Variants in OPA1 observed in about 807,000 individuals in gnomAD.
OPA1 encodes dynamin-like GTPase OPA1, mitochondrial.
A neutral mutation model predicts 152.9 loss-of-function variants in OPA1; 59 were observed. The observed-to-expected ratio is 0.39, with a 90% CI of 0.31 to 0.48. The LOEUF (loss-of-function observed/expected upper bound fraction) is 0.48. OPA1 is among the 20% of genes least tolerant of loss of function. The pLI is 0.96. For missense variants in OPA1, 1,008 were observed against 1,216.8 expected (o/e 0.83, Z 2.55); for synonymous variants, 400 against 389.9 (o/e 1.03, Z -0.31).
intron 1 of OPA1, among the ~76,000 whole-genome samples, chr3:193,610,946 T>C (rs971179936): frequency 1.3e-5 from 2 of 152,186 alleles, no homozygotes; most frequent in African/African-American, 4.8e-5. Flanking sequence ...CCCCTTTCCT[T>C]GGCTAGGAAA....
In OPA1 at chr3:193,697,084, G is replaced by A. The variant is rs1342772311; in HGVS notation, c.*2484G>A. The A allele has an allele frequency of 1.3e-5, 2 of 152,324 alleles. No homozygotes were observed. Among genetic ancestry groups the A allele is most frequent in the East Asian group, 3.9e-4 (2 of 5,190 alleles). 9.4% of individuals were successfully genotyped at this position (152,324 alleles called of 1,614,324 possible). A position where few individuals can be genotyped will look rare whatever the true frequency, so the allele number is the denominator to read the frequency against. ...ATAAGTAGGGAACATGGCAGAGAGT[G>A]GTGCTTCCCAGCCTCACAATGTGGG... On this transcript the variant is annotated 3_prime_UTR_variant, in exon 31 of 31. Transcript: ENST00000361510.
chr3:193,665,185 G>A lies in OPA1; in HGVS notation c.2778+189G>A, dbSNP rs541800863. On this transcript the variant is annotated intron_variant, in intron 27 of 30. Transcript: ENST00000361510. ...ATATTTGCCACTTTGTTCGTGATACGTGCATATTATCCCCAATGCTTATAA... is the reference window on the plus strand; with the variant it reads ...ATATTTGCCACTTTGTTCGTGATACATGCATATTATCCCCAATGCTTATAA... Among the ~76,000 whole-genome samples, 11 of 151,824 alleles carry A rather than the reference G, an allele frequency of 7.2e-5. No individual in the cohort carries two copies. In the South Asian group the frequency reaches 1.7e-3, roughly 23 times the overall value.
intron 1 of OPA1, among the ~76,000 whole-genome samples, chr3:193,596,364 A>C (rs5029644): frequency 4.3e-5 from 3 of 69,720 alleles, no homozygotes; most frequent in African/African-American, 1.6e-4. Context: ...TTCTTTTCTT[A>C]ATTTTCTTTT....
chr3:193,617,149 C>A (rs376697084), intron 3 of OPA1, 29 bp from the exon 4 acceptor site: 61 of 1,326,970 alleles, frequency 4.6e-5, no homozygotes, highest in Admixed American at 3.5e-4. Flanking sequence ...TTCTTAGTTT[C>A]ATACTCTATA....
chr3:193,611,130 A>G (rs1386492284), intron 1 of OPA1, among the ~76,000 whole-genome samples: 1 of 152,150 alleles, frequency 6.6e-6, no homozygotes, highest in Non-Finnish European at 1.5e-5. Context: ...GCGTCGCTCA[A>G]GCTGGGAGCT....
intron 29 of OPA1, chr3:193,669,071 TAATA>T (rs1420746725): frequency 1.1e-5 from 2 of 181,458 alleles, no homozygotes; most frequent in Non-Finnish European, 2.2e-5. Context: ...CAGATATCGT[TAATA>T]AATTAGAAAG....
rs1560079327 is a variant in OPA1, at chr3:193,688,444, C to CTTTTTT, written c.2984-3615_2984-3614insTTTTTT. ...TTCCCTGATTTTTACTGAAATGGGTCTTTTCTTTTTTTTTTTTTTTTTTTT... is the reference window on the plus strand; with the variant it reads ...TTCCCTGATTTTTACTGAAATGGGTCTTTTTTTTTTCTTTTTTTTTTTTTTTTTTTT... On this transcript the variant is annotated intron_variant, in intron 29 of 30. Transcript: ENST00000361510. 3.6e-4 allele frequency among the ~76,000 whole-genome samples: 14 copies of CTTTTTT among 38,520 alleles called. 5 individuals are homozygous for CTTTTTT. The highest frequency in any genetic ancestry group is 1.8e-4 in the Non-Finnish European group (3 of 16,846). The allele number at this position is 38,520 out of a possible 152,430, so 25.3% of individuals were successfully genotyped here. A position where few individuals can be genotyped will look rare whatever the true frequency, so the allele number is the denominator to read the frequency against.
Position 193,658,857 on chromosome 3 carries a change from GT to G in OPA1, c.2332-28del, listed in dbSNP as rs770505320. On this transcript the variant is annotated intron_variant, in intron 23 of 30. Transcript: ENST00000361510. ...ACTAAAATGATGAGATGTAAAACAA[GT>G]TGGCTTTTTCTCTTCTTGTTATTTT... 8 of 1,484,744 alleles carry G rather than the reference GT, an allele frequency of 5.4e-6. No homozygotes were observed. In the African/African-American group the frequency reaches 1.1e-4, roughly 20 times the overall value. The allele number at this position is 1,484,744 out of a possible 1,614,324, so 92.0% of individuals were successfully genotyped here.
intron 1 of OPA1, among the ~76,000 whole-genome samples, chr3:193,610,297 T>A (rs1577141601): frequency 2.0e-5 from 3 of 152,164 alleles, no homozygotes; most frequent in Non-Finnish European, 4.4e-5. Context: ...TTGCTGGAGG[T>A]CCACTCCAGA....
At chr3:193,611,062 A>G (rs1015230871) in intron 1 of OPA1, among the ~76,000 whole-genome samples, 12 of 152,216 alleles carry the variant, frequency 7.9e-5, no homozygotes, top group African/African-American at 2.4e-4. Context: ...CTGTCTGACA[A>G]TCCCCAGTGA....
At chr3:193,613,998 C>T (rs778592554) in intron 1 of OPA1, 2 of 518,512 alleles carry the variant, frequency 3.9e-6, no homozygotes, top group East Asian at 5.4e-5. Flanking sequence ...ACTATGTATG[C>T]AACTATGAGT....
In OPA1 at chr3:193,662,872, T is replaced by C. The variant is rs1715624785; in HGVS notation, c.2571T>C (p.Asn857=). The change falls in exon 26 of 31, where the codon AAT becomes AAC. Residue 857 remains asparagine (N), a synonymous_variant. Transcript: ENST00000361510. ...AATTGGAGAAGATGTTGAAATGTAA[T>C]GAGGAGCACCCAGCTTATCTTGCAA... is the stretch of plus-strand genomic sequence containing the variant. ...KNELEKMLKC[N]EEHPAYLASD... The C allele has an allele frequency of 6.2e-7, 1 of 1,613,394 alleles. No individual in the cohort carries two copies. Among genetic ancestry groups the C allele is most frequent in the Non-Finnish European group, 8.5e-7 (1 of 1,179,442 alleles).
intron 29 of OPA1, among the ~76,000 whole-genome samples, chr3:193,674,921 T>G (rs769146643): frequency 1.3e-5 from 2 of 152,174 alleles, no homozygotes; most frequent in African/African-American, 4.8e-5. Flanking sequence ...CCATGTGTAT[T>G]TTGACAAAGC....
intron 26 of OPA1, among the ~76,000 whole-genome samples, chr3:193,663,786 T>A (rs1423049433): frequency 6.6e-6 from 1 of 151,926 alleles, no homozygotes. Context: ...AGTAAAAAAA[T>A]AAAAATAAAA....
intron 1 of OPA1, among the ~76,000 whole-genome samples, chr3:193,601,123 G>T (rs2108795891): frequency 6.6e-6 from 1 of 152,148 alleles, no homozygotes; most frequent in African/African-American, 2.4e-5. Context: ...CTGAAACCCT[G>T]GGAGGTCTGA....
At chr3:193,680,162 T>C (rs1395300878) in intron 29 of OPA1, among the ~76,000 whole-genome samples, 1 of 152,200 alleles carries the variant, frequency 6.6e-6, no homozygotes, top group Non-Finnish European at 1.5e-5. Flanking sequence ...AATTTCTTTT[T>C]TTATGAATTT....
intron 29 of OPA1, among the ~76,000 whole-genome samples, chr3:193,669,659 A>T (rs1717485099): frequency 6.6e-6 from 1 of 152,192 alleles, no homozygotes; most frequent in South Asian, 2.1e-4. Flanking sequence ...TTTCTTTTAT[A>T]TCCCTCGTGA....
chr3:193,679,693 CT>C (rs1719816700), intron 29 of OPA1, among the ~76,000 whole-genome samples: 1 of 151,994 alleles, frequency 6.6e-6, no homozygotes, highest in African/African-American at 2.4e-5. Context: ...AATTTGGCTT[CT>C]TTTTTATGTG....
At chr3:193,634,371 T>G (rs142974603) in intron 8 of OPA1, among the ~76,000 whole-genome samples, 13 of 152,264 alleles carry the variant, frequency 8.5e-5, no homozygotes, top group Non-Finnish European at 1.8e-4. Context: ...GTTTTGTTTT[T>G]TTGTCAAGTA....
Sources: allele counts gnomAD v4.1 joint callset (sites outside exome capture counted in the v4.1 genomes callset), GRCh38; gene constraint gnomAD v4.1.1; transcripts MANE v1.5; gene names NCBI Gene and HGNC (gene_info 2026-07-23, HGNC 2026-07-21).